The following SPRY3 variants were observed in gnomAD, a reference collection of about 807,000 sequenced individuals.
The protein encoded by SPRY3 is protein sprouty homolog 3.
Under a neutral mutation model 20.2 loss-of-function variants are expected in SPRY3, and 15 were observed. The ratio of observed to expected loss-of-function variants is 0.74; its 90% CI spans 0.50 to 1.14. The LOEUF is 1.14. Among genes scored for constraint, SPRY3 ranks in the 50% most tolerant of loss-of-function variants. The pLI is 0.00. For missense variants in SPRY3, 364 were observed against 363.9 expected (o/e 1.00, Z 0.00); for synonymous variants, 143 against 136.5 (o/e 1.05, Z -0.33).
At chrX:155,651,497 T>C (rs1306519893) in intron 1 of SPRY3, among the ~76,000 whole-genome samples, 1 of 112,271 alleles carries the variant, frequency 8.9e-6, no homozygotes, top group African/African-American at 3.2e-5. Flanking sequence ...CTCCTTTCAA[T>C]GAAATGTCTA....
intron 2 of SPRY3, among the ~76,000 whole-genome samples, chrX:155,727,520 C>A (rs1310058832): frequency 6.6e-6 from 1 of 152,038 alleles, no homozygotes; most frequent in African/African-American, 2.4e-5. Flanking sequence ...TTTCTCTAAT[C>A]TTGTCTTCTC....
At chrX:155,643,003 G>A (rs2124538484) in intron 1 of SPRY3, among the ~76,000 whole-genome samples, 1 of 111,963 alleles carries the variant, frequency 8.9e-6, no homozygotes, top group South Asian at 3.7e-4. Flanking sequence ...TTGGTCTATA[G>A]TGCAGATTAA....
chrX:155,735,412 G>A (rs1234636656), intron 2 of SPRY3, among the ~76,000 whole-genome samples: 1 of 151,958 alleles, frequency 6.6e-6, no homozygotes, highest in East Asian at 1.9e-4. Context: ...CTTTTTGAGA[G>A]AAGGATGTTG....
intron 2 of SPRY3, among the ~76,000 whole-genome samples, chrX:155,718,163 A>C (rs2091034503): frequency 6.7e-6 from 1 of 149,906 alleles, no homozygotes; most frequent in Non-Finnish European, 1.5e-5. Flanking sequence ...TCCAGTTAAT[A>C]CTTGTTTTGT....
At chrX:155,679,505 T>A (rs2068067563) in intron 2 of SPRY3, among the ~76,000 whole-genome samples, 1 of 111,097 alleles carries the variant, frequency 9.0e-6, no homozygotes, top group African/African-American at 3.3e-5. Context: ...TTTTGTAATG[T>A]CAATAATCCC....
At chrX:155,755,937 G>T (rs1163708554) in intron 2 of SPRY3, among the ~76,000 whole-genome samples, 1 of 152,062 alleles carries the variant, frequency 6.6e-6, no homozygotes, top group Non-Finnish European at 1.5e-5. Flanking sequence ...AAAGTAGGTG[G>T]CTGGGGAGAG....
At chrX:155,646,718 T>C (rs2067958955) in intron 1 of SPRY3, among the ~76,000 whole-genome samples, 1 of 111,882 alleles carries the variant, frequency 8.9e-6, no homozygotes, top group African/African-American at 3.2e-5. Flanking sequence ...TGTAGAACTA[T>C]GTAATCTGCT....
chrX:155,727,383 T>C (rs184803314), intron 2 of SPRY3, among the ~76,000 whole-genome samples: 6 of 152,314 alleles, frequency 3.9e-5, no homozygotes, highest in Non-Finnish European at 7.4e-5. Flanking sequence ...TCCTGGATGA[T>C]ATCCTGCAGA....
At chrX:155,773,800 C>A (rs1264122544) in exon 4 of SPRY3, 15 of 1,525,182 alleles carry the variant, frequency 9.8e-6, no homozygotes, top group Admixed American at 1.9e-5. Flanking sequence ...CATGTAACTA[C>A]AAGGGCTCCT....
downstream of SPRY3, chrX:155,779,520 A>C (rs761202694): frequency 6.0e-6 from 1 of 166,980 alleles, no homozygotes; most frequent in Non-Finnish European, 1.5e-5. Flanking sequence ...AGGAGTAACA[A>C]ACTCTCAAAA....
chrX:155,774,293 G>C, exon 4 of SPRY3: 1 of 1,614,022 alleles, frequency 6.2e-7, no homozygotes, highest in Non-Finnish European at 8.5e-7. Context: ...GGGCACCCTA[G>C]TGAGCACCTC....
At chrX:155,774,887 A>G in exon 4 of SPRY3, 1 of 853,404 alleles carries the variant, frequency 1.2e-6, no homozygotes, top group Non-Finnish European at 1.8e-6. Flanking sequence ...ATGACCAAGT[A>G]CATCCTGGTG....
intron 2 of SPRY3, among the ~76,000 whole-genome samples, chrX:155,759,374 C>A (rs1212528829): frequency 2.0e-5 from 3 of 152,058 alleles, no homozygotes; most frequent in Non-Finnish European, 2.9e-5. Context: ...ATAATCTCCT[C>A]AATTACTGCA....
At chrX:155,748,248 T>C (rs1470683993) in intron 2 of SPRY3, among the ~76,000 whole-genome samples, 4 of 151,902 alleles carry the variant, frequency 2.6e-5, no homozygotes, top group Admixed American at 2.6e-4. Flanking sequence ...GCTATAAAGA[T>C]AGTATCGATG....
intron 2 of SPRY3, among the ~76,000 whole-genome samples, chrX:155,712,239 T>A (rs370010536): frequency 1.3e-5 from 2 of 152,076 alleles, no homozygotes; most frequent in African/African-American, 4.8e-5. Flanking sequence ...AGTCCATGTT[T>A]CTTTGTTGAT....
chrX:155,769,122 T>C (rs1262049478), intron 3 of SPRY3, among the ~76,000 whole-genome samples: 1 of 152,222 alleles, frequency 6.6e-6, no homozygotes, highest in Non-Finnish European at 1.5e-5. Flanking sequence ...CTTGCTCTCC[T>C]TGCCTCTAAA....
chrX:155,622,181 T>C (rs1044660389), intron 1 of SPRY3, among the ~76,000 whole-genome samples: 4 of 112,181 alleles, frequency 3.6e-5, no homozygotes, highest in African/African-American at 1.3e-4. Flanking sequence ...AAAATATATG[T>C]GATGCAAAGT....
At chrX:155,622,085 A>AC (rs1197543101) in intron 1 of SPRY3, among the ~76,000 whole-genome samples, 22 of 111,315 alleles carry the variant, frequency 2.0e-4, no homozygotes, top group Admixed American at 1.9e-4. Flanking sequence ...TCAAACCAAC[A>AC]CCTGTGCTTG....
intron 2 of SPRY3, among the ~76,000 whole-genome samples, chrX:155,737,120 C>T (rs1437416159): frequency 6.6e-6 from 1 of 152,142 alleles, no homozygotes; most frequent in East Asian, 1.9e-4. Context: ...TTTTCCATTA[C>T]AGCCCTTAAC....
Sources: gnomAD v4.1 joint callset for allele counts (sites outside exome capture counted in the v4.1 genomes callset) on GRCh38, gnomAD v4.1.1 for gene constraint, MANE v1.5 for transcripts, NCBI Gene and HGNC (gene_info 2026-07-23, HGNC 2026-07-21) for gene names.